The following CATSPERT variants were observed in gnomAD, a reference collection of about 807,000 sequenced individuals.
The protein encoded by CATSPERT is catsper channel auxiliary subunit tau.
chr2:201,522,630 G>A, the CATSPERT span, among the ~76,000 whole-genome samples: 1 of 152,186 alleles, frequency 6.6e-6, no homozygotes, highest in South Asian at 2.1e-4. Context: ...AATCCTAGCT[G>A]CAGGTGACCC....
At chr2:201,613,779 C>T in the CATSPERT span, among the ~76,000 whole-genome samples, 13 of 152,102 alleles carry the variant, frequency 8.5e-5, no homozygotes, top group African/African-American at 2.9e-4. Flanking sequence ...GGAGGATGTT[C>T]GAACCCATTG....
the CATSPERT span, among the ~76,000 whole-genome samples, chr2:201,530,622 A>T: frequency 6.6e-6 from 1 of 152,230 alleles, no homozygotes; most frequent in Non-Finnish European, 1.5e-5. Flanking sequence ...AGGGCAGTTA[A>T]ATATAAATGG....
the CATSPERT span, among the ~76,000 whole-genome samples, chr2:201,562,534 T>TTA: frequency 4.2e-5 from 6 of 142,518 alleles, no homozygotes; most frequent in Non-Finnish European, 9.3e-5. Flanking sequence ...TTATTTTTTT[T>TTA]ATTGATCATT....
chr2:201,511,899 C>T, the CATSPERT span: 5 of 145,386 alleles, frequency 3.4e-5, no homozygotes, highest in Admixed American at 1.4e-4. Flanking sequence ...CAAACAACTC[C>T]GAAGATTGTT....
At chr2:201,534,020 C>T in the CATSPERT span, among the ~76,000 whole-genome samples, 5,248 of 151,062 alleles carry the variant, frequency 0.035, 191 homozygotes, top group African/African-American at 0.09. Flanking sequence ...CAAGATTACA[C>T]GGAAAGAGAG....
At chr2:201,535,926 G>T in the CATSPERT span, 1 of 1,560,932 alleles carries the variant, frequency 6.4e-7, no homozygotes, top group Non-Finnish European at 8.7e-7. Flanking sequence ...CTCCCTTTCA[G>T]CTAAGTTTAG....
At chr2:201,560,748 C>T in the CATSPERT span, among the ~76,000 whole-genome samples, 5 of 151,770 alleles carry the variant, frequency 3.3e-5, no homozygotes, top group African/African-American at 4.8e-5. Context: ...AATGAGAATG[C>T]GCTGACCAAC....
the CATSPERT span, among the ~76,000 whole-genome samples, chr2:201,581,433 CAT>C: frequency 0.36 from 27,733 of 77,016 alleles, 5,710 homozygotes; most frequent in East Asian, 0.75. Flanking sequence ...TACTTAATTT[CAT>C]ATATATATAT....
At chr2:201,494,777 AG>A in the CATSPERT span, 2 of 1,480,660 alleles carry the variant, frequency 1.4e-6, no homozygotes, top group Non-Finnish European at 1.8e-6. Flanking sequence ...ATTAAAAAAA[AG>A]GTAAGACATT....
At chr2:201,618,586 C>A in the CATSPERT span, among the ~76,000 whole-genome samples, 1 of 151,420 alleles carries the variant, frequency 6.6e-6, no homozygotes, top group African/African-American at 2.4e-5. Context: ...GGAGGGATAG[C>A]ATTAGGAGAT....
the CATSPERT span, chr2:201,491,929 G>C: frequency 9.8e-6 from 15 of 1,536,786 alleles, no homozygotes; most frequent in Non-Finnish European, 1.2e-5. Flanking sequence ...CAGTATATCT[G>C]TAAGTATTTC....
At chr2:201,555,191 C>A in the CATSPERT span, 1 of 152,302 alleles carries the variant, frequency 6.6e-6, no homozygotes, top group South Asian at 2.1e-4. Context: ...TTATAACACA[C>A]TCTATTTGTT....
the CATSPERT span, among the ~76,000 whole-genome samples, chr2:201,578,128 G>C: frequency 1.3e-5 from 2 of 151,972 alleles, no homozygotes; most frequent in Non-Finnish European, 2.9e-5. Flanking sequence ...ACTACATTTA[G>C]AAATATAATA....
the CATSPERT span, chr2:201,565,597 C>T: frequency 8.8e-5 from 78 of 888,886 alleles, no homozygotes; most frequent in Non-Finnish European, 1.2e-4. Context: ...CATGAAACAA[C>T]GGCACCATAA....
chr2:201,495,896 T>G, the CATSPERT span: 1 of 1,583,144 alleles, frequency 6.3e-7, no homozygotes, highest in Non-Finnish European at 8.6e-7. Context: ...AGGACTCACC[T>G]GAAATTTTGG....
chr2:201,613,224 T>C, the CATSPERT span, among the ~76,000 whole-genome samples: 130 of 152,294 alleles, frequency 8.5e-4, no homozygotes, highest in Admixed American at 4.6e-3. Context: ...AGCACGGAGT[T>C]TGAGATCTGA....
chr2:201,577,965 T>C, the CATSPERT span, among the ~76,000 whole-genome samples: 4 of 152,160 alleles, frequency 2.6e-5, no homozygotes, highest in African/African-American at 9.7e-5. Context: ...AAACATCACA[T>C]TGTACCCCAT....
the CATSPERT span, among the ~76,000 whole-genome samples, chr2:201,570,095 T>C: frequency 7.2e-5 from 11 of 152,122 alleles, no homozygotes; most frequent in South Asian, 2.1e-4. Flanking sequence ...GGAGGGAGGA[T>C]TGATTGAGCC....
chr2:201,499,037 T>G, the CATSPERT span, among the ~76,000 whole-genome samples: 7 of 151,992 alleles, frequency 4.6e-5, no homozygotes, highest in African/African-American at 1.7e-4. Flanking sequence ...CCATCCTACC[T>G]GCCATCTTCC....
Sources: allele counts gnomAD v4.1 joint callset (sites outside exome capture counted in the v4.1 genomes callset), GRCh38; gene constraint gnomAD v4.1.1; transcripts MANE v1.5; gene names NCBI Gene and HGNC (gene_info 2026-07-23, HGNC 2026-07-21).